The following COL4A4 variants were observed in gnomAD, a reference collection of about 807,000 sequenced individuals.
COL4A4 encodes the protein collagen type IV alpha 4 chain, also known as collagen alpha-4(IV) chain.
Under a neutral mutation model 192.9 loss-of-function variants are expected in COL4A4, and 105 were observed. The ratio of observed to expected loss-of-function variants is 0.54; its 90% CI spans 0.46 to 0.64. COL4A4 has a LOEUF of 0.64. COL4A4 is among the 30% of genes least tolerant of loss of function. COL4A4 has a pLI of 0.00. For missense variants in COL4A4, 1,967 were observed against 2,169.3 expected (o/e 0.91, Z 1.85); for synonymous variants, 762 against 769.9 (o/e 0.99, Z 0.17).
At position 227,032,010 on chromosome 2, in the gene COL4A4, G is replaced by T; in HGVS notation, c.3752C>A (p.Pro1251His). The T allele has an allele frequency of 1.2e-6, 2 of 1,614,030 alleles. No individual in the cohort carries two copies. The highest frequency in any genetic ancestry group is 1.7e-6 in the Non-Finnish European group (2 of 1,179,912). The part of the protein sequence containing the change: ...PGPAGATGRA[P>H]KDIPDPGPPG... ...TGGACCCGGGTCAGGAATGTCCTTA[G>T]GAGCTCTTCCTGTGGCACCTGCAGG... The change falls in exon 40 of 48, where the codon CCT (proline) becomes CAT (histidine). Residue 1251 changes from proline (P) to histidine (H), a missense_variant. By Grantham distance (77) the Pro-to-His change is moderately conservative. Transcript: ENST00000396625.
Position 227,023,089 on chromosome 2 carries a change from A to G in COL4A4, c.4091-916T>C, listed in dbSNP as rs142913855. ...AGTCAGAAGGTCTGAAGAGGGGGCC[A>G]TGTACATCTCTAACATGTTCCCAGG... On this transcript the variant is annotated intron_variant, in intron 43 of 47. Transcript: ENST00000396625. 6.2e-3 allele frequency among the ~76,000 whole-genome samples: 942 copies of G among 152,264 alleles called. 10 individuals carry two copies. The highest frequency in any genetic ancestry group is 0.021 in the African/African-American group (871 of 41,538).
intron 27 of COL4A4, among the ~76,000 whole-genome samples, chr2:227,059,878 T>C (rs898311455): frequency 2.0e-5 from 3 of 151,990 alleles, no homozygotes; most frequent in Non-Finnish European, 2.9e-5. Flanking sequence ...GACTGAGTAG[T>C]TTCAACAACA....
intron 7 of COL4A4, among the ~76,000 whole-genome samples, chr2:227,116,274 G>T (rs1385275907): frequency 6.6e-6 from 1 of 152,150 alleles, no homozygotes; most frequent in Non-Finnish European, 1.5e-5. Context: ...GAGAGGCCTG[G>T]GGGTCCTCTC....
chr2:227,108,623 C>G lies in COL4A4; in HGVS notation c.694-1G>C. 1 of 1,613,934 alleles carries G rather than the reference C, an allele frequency of 6.2e-7. No homozygotes were observed. Among genetic ancestry groups the G allele is most frequent in the Non-Finnish European group, 8.5e-7 (1 of 1,179,912 alleles). ...CCTTTACTCCCACACCGGGATTTCCCTGAGAAAGAAATGAAAAAGAATCTA... is the reference window on the plus strand; with the variant it reads ...CCTTTACTCCCACACCGGGATTTCCGTGAGAAAGAAATGAAAAAGAATCTA... On this transcript the variant is annotated splice_acceptor_variant, in intron 11 of 47. Coordinates refer to ENST00000396625, the MANE Select transcript of COL4A4 (RefSeq NM_000092.5). LOFTEE classifies it high-confidence loss of function.
rs150620221 is a variant in COL4A4 at position 227,126,301 on chromosome 2, A to G, written c.193-5153T>C. Among the ~76,000 whole-genome samples the G allele has an allele frequency of 3.0e-3, 453 of 152,348 alleles. 6 individuals are homozygous for G. The highest frequency in any genetic ancestry group is 0.029 in the South Asian group (140 of 4,824). ...AGAGGGGAACTGGAACCAATTCCTC[A>G]TGGATGCAAAGAGATAAGTGTAAAT... is the stretch of plus-strand genomic sequence containing the variant. On this transcript the variant is annotated intron_variant, in intron 4 of 47. Transcript: ENST00000396625.
intron 40 of COL4A4, among the ~76,000 whole-genome samples, chr2:227,030,897 C>T (rs1968143958): frequency 6.6e-6 from 1 of 151,358 alleles, no homozygotes; most frequent in South Asian, 2.1e-4. Flanking sequence ...GTTTGCATTG[C>T]CATCTTACTG....
At position 227,031,925 on chromosome 2, in the gene COL4A4, T is replaced by G. The variant is rs1968505007; in HGVS notation, c.3817+20A>C. 2.6e-6 allele frequency: 4 copies of G among 1,544,676 alleles called. No individual in the cohort carries two copies. The highest frequency in any genetic ancestry group is 2.7e-6 in the Non-Finnish European group (3 of 1,117,458). ...CTAACAAAGGGAGCACTGCCATCCT[T>G]TGTCATGATTCTCTCATACCTCTTG... On this transcript the variant is annotated intron_variant, in intron 40 of 47. Transcript: ENST00000396625.
chr2:227,087,205 A>G (rs2059649875), intron 22 of COL4A4, among the ~76,000 whole-genome samples: 1 of 152,150 alleles, frequency 6.6e-6, no homozygotes, highest in Non-Finnish European at 1.5e-5. Context: ...ACTTTCACCA[A>G]ATGAGAACCA....
chr2:227,105,627 G>A (rs575205962), intron 12 of COL4A4, among the ~76,000 whole-genome samples: 256 of 152,278 alleles, frequency 1.7e-3, no homozygotes, highest in African/African-American at 5.8e-3. Context: ...TTTCTTGAAT[G>A]AATTTTGCCA....
At chr2:227,126,650 T>C (rs1427668088) in intron 4 of COL4A4, among the ~76,000 whole-genome samples, 1 of 152,246 alleles carries the variant, frequency 6.6e-6, no homozygotes, top group Non-Finnish European at 1.5e-5. Flanking sequence ...AGTATTTTGC[T>C]ACATGATAAA....
intron 34 of COL4A4, among the ~76,000 whole-genome samples, chr2:227,048,593 G>A (rs996313351): frequency 1.3e-5 from 2 of 152,288 alleles, no homozygotes; most frequent in African/African-American, 4.8e-5. Flanking sequence ...AGAAACCATG[G>A]ATTGACTAAG....
At chr2:227,041,863 AAAG>A (rs1971398611) in intron 37 of COL4A4, among the ~76,000 whole-genome samples, 13 of 126,232 alleles carry the variant, frequency 1.0e-4, no homozygotes, top group African/African-American at 3.6e-4. Context: ...AGAAAGAAAG[AAAG>A]AAAGAAAGAA....
chr2:226,997,971 A>G (rs1263060468), downstream of COL4A4: 1 of 152,244 alleles, frequency 6.6e-6, no homozygotes, highest in East Asian at 1.9e-4. Context: ...TGGATTGAGA[A>G]AGACAAAAGC....
At chr2:227,011,228 G>A (rs1160830680) in intron 45 of COL4A4, among the ~76,000 whole-genome samples, 1 of 152,164 alleles carries the variant, frequency 6.6e-6, no homozygotes, top group Non-Finnish European at 1.5e-5. Flanking sequence ...GTTAGACATT[G>A]AAACCAAAAG....
intron 25 of COL4A4, 68 bp downstream of exon 25, chr2:227,077,826 T>C: frequency 7.9e-6 from 11 of 1,390,732 alleles, no homozygotes; most frequent in Non-Finnish European, 1.1e-5. Context: ...ATATAATTCT[T>C]CCACATAAGA....
intron 1 of COL4A4, among the ~76,000 whole-genome samples, chr2:227,147,906 TTC>T (rs2063654761): frequency 6.6e-6 from 1 of 151,332 alleles, no homozygotes; most frequent in Non-Finnish European, 1.5e-5. Context: ...TGGAATTTTC[TTC>T]TGTTTAATTT....
At chr2:227,099,545 G>T in intron 18 of COL4A4, 75 bp downstream of exon 18, 1 of 1,342,500 alleles carries the variant, frequency 7.4e-7, no homozygotes, top group Non-Finnish European at 1.1e-6. Flanking sequence ...GAAATACTGG[G>T]CCAGACTCTT....
At chr2:227,133,947 C>T (rs2062651323) in intron 4 of COL4A4, among the ~76,000 whole-genome samples, 1 of 151,924 alleles carries the variant, frequency 6.6e-6, no homozygotes, top group African/African-American at 2.4e-5. Flanking sequence ...CTCAAGCCTA[C>T]ACAGATCATC....
chr2:227,142,097 CAAAAA>C (rs531488311), intron 3 of COL4A4, among the ~76,000 whole-genome samples: 3,687 of 118,924 alleles, frequency 0.031, 62 homozygotes, highest in Non-Finnish European at 0.046. Flanking sequence ...TTAGTAGATT[CAAAAA>C]AAAAAAAAAA....
Sources: gnomAD v4.1 joint callset for allele counts (sites outside exome capture counted in the v4.1 genomes callset) on GRCh38, gnomAD v4.1.1 for gene constraint, MANE v1.5 for transcripts, NCBI Gene and HGNC (gene_info 2026-07-23, HGNC 2026-07-21) for gene names.